ITPRID2: variants seen among roughly 807,000 people sequenced by gnomAD.
The protein encoded by ITPRID2 is ITPR interacting domain containing 2.
ITPRID2 carries 60 observed loss-of-function variants against 124.3 expected under a neutral mutation model. The observed-to-expected ratio is 0.48, with a 90% CI of 0.39 to 0.60. The LOEUF is 0.60. ITPRID2 is among the 20% of genes least tolerant of loss of function. ITPRID2 has a pLI of 0.00. For synonymous variants in ITPRID2, 521 were observed against 542.9 expected (o/e 0.96, Z 0.56); for missense variants, 1,553 against 1,512.2 (o/e 1.03, Z -0.45).
At chr2:181,925,267 T>C (rs1046280293) in intron 16 of ITPRID2, among the ~76,000 whole-genome samples, 1 of 152,340 alleles carries the variant, frequency 6.6e-6, no homozygotes, top group East Asian at 1.9e-4. Flanking sequence ...TACTTCAGAC[T>C]TGTAGTCAGT....
intron 16 of ITPRID2, among the ~76,000 whole-genome samples, chr2:181,927,365 G>A (rs995858133): frequency 6.6e-6 from 1 of 152,192 alleles, no homozygotes; most frequent in Non-Finnish European, 1.5e-5. Context: ...CTATTTAAAA[G>A]TGATGCTGTA....
intron 16 of ITPRID2, among the ~76,000 whole-genome samples, chr2:181,923,239 C>T (rs780218191): frequency 5.3e-5 from 8 of 152,152 alleles, no homozygotes; most frequent in Non-Finnish European, 1.0e-4. Flanking sequence ...ATCGTTTAAA[C>T]AGCTCAATGC....
intron 17 of ITPRID2, 52 bp from the exon 18 acceptor site, chr2:181,929,509 A>C: frequency 7.9e-7 from 1 of 1,261,266 alleles, no homozygotes; most frequent in Non-Finnish European, 1.1e-6. Context: ...AGAAGCTTTT[A>C]ATAACAGTAT....
chr2:181,928,109 A>G, intron 16 of ITPRID2, 52 bp from the exon 17 acceptor site: 2 of 1,245,242 alleles, frequency 1.6e-6, no homozygotes, highest in South Asian at 1.4e-5. Context: ...ACAGGAAAAA[A>G]TGAATTCCAT....
chr2:181,914,237 CATTAT>C (rs1322900313), intron 10 of ITPRID2, among the ~76,000 whole-genome samples: 1 of 151,948 alleles, frequency 6.6e-6, no homozygotes, highest in Non-Finnish European at 1.5e-5. Context: ...TTTTAACCAT[CATTAT>C]ATTTCATTAT....
At position 181,928,169 on chromosome 2, in the gene ITPRID2, G is replaced by A. The variant is rs544408429; in HGVS notation, c.3684G>A (p.Glu1228=). The A allele has an allele frequency of 5.8e-6, 9 of 1,545,684 alleles. No homozygotes were observed. Among genetic ancestry groups the A allele is most frequent in the African/African-American group, 1.4e-5 (1 of 72,908 alleles). The change falls in exon 17 of 18, where the codon GAG becomes GAA. Residue 1228 remains glutamate, a synonymous_variant. Coordinates refer to ENST00000431877, the MANE Select transcript of ITPRID2 (RefSeq NM_001130445.3). ...TTGTTTTTCCAATCTAGATTAAAGAGTCTATTGTTGGGGAAATCAGACGGG... is the reference window on the plus strand; with the variant it reads ...TTGTTTTTCCAATCTAGATTAAAGAATCTATTGTTGGGGAAATCAGACGGG... The part of the protein sequence containing the change: ...ELQQVIREIK[E]SIVGEIRREI...
intron 11 of ITPRID2, chr2:181,916,784 TTC>T: frequency 1.0e-6 from 1 of 966,698 alleles, no homozygotes; most frequent in Non-Finnish European, 1.2e-6. Context: ...TTAAAGTTCT[TTC>T]TCTCTTTCTC....
At chr2:181,912,208 A>C (rs1316611705) in intron 9 of ITPRID2, among the ~76,000 whole-genome samples, 1 of 152,246 alleles carries the variant, frequency 6.6e-6, no homozygotes, top group Non-Finnish European at 1.5e-5. Flanking sequence ...TTCTCAGCTT[A>C]TTCTAGGTAC....
Position 181,892,044 on chromosome 2 carries a change from G to A in ITPRID2, c.-23G>A, listed in dbSNP as rs573140982. The A allele has an allele frequency of 5.2e-6, 8 of 1,546,968 alleles. No homozygotes were observed. The highest frequency in any genetic ancestry group is 2.3e-4 in the Middle Eastern group (1 of 4,366). On this transcript the variant is annotated 5_prime_UTR_variant, in exon 1 of 18. Transcript: ENST00000431877. The surrounding 1 kb of genome is among the most constrained non-coding windows in gnomAD (Gnocchi z 5.2). ...TTGTCTCGCGCAGGGTCCGGCTGGGGTAGCGGAGCCCCCAGTGCGGCCATG... is the reference window on the plus strand; with the variant it reads ...TTGTCTCGCGCAGGGTCCGGCTGGGATAGCGGAGCCCCCAGTGCGGCCATG...
Position 181,929,587 on chromosome 2 carries a change from A to G in ITPRID2, c.*40A>G, listed in dbSNP as rs369078805. On this transcript the variant is annotated 3_prime_UTR_variant, in exon 18 of 18. Transcript: ENST00000431877. ...TTGGCATGGATCCTATTAGCTGTGT[A>G]ATACTGGAATTATCAATGATATGCA... The G allele has an allele frequency of 2.5e-6, 4 of 1,612,860 alleles. No individual in the cohort carries two copies. Among genetic ancestry groups the G allele is most frequent in the African/African-American group, 2.7e-5 (2 of 74,896 alleles).
In ITPRID2 at chr2:181,907,818, T is replaced by C. The variant is rs1211757258; in HGVS notation, c.1414-2081T>C. Among the ~76,000 whole-genome samples, 1 of 152,208 alleles carries C rather than the reference T, an allele frequency of 6.6e-6. No individual in the cohort carries two copies. The highest frequency in any genetic ancestry group is 2.4e-5 in the African/African-American group (1 of 41,446). On this transcript the variant is annotated intron_variant, in intron 8 of 17. Transcript: ENST00000431877. The surrounding 1 kb of genome is among the most constrained non-coding windows in gnomAD (Gnocchi z 5.1). ...TATGTTTCTCTCTTCAGCAAGTGGG[T>C]ACTCTGATTTTGCTGAGTAAACAAG...
Position 181,915,890 on chromosome 2 carries a change from T to C in ITPRID2, c.2250T>C (p.Val750=). The change falls in exon 11 of 18, where the codon GTT becomes GTC. Residue 750 remains valine, a synonymous_variant. Coordinates refer to ENST00000431877, the MANE Select transcript of ITPRID2 (RefSeq NM_001130445.3). ...LPTTLLSPVR[V]VSSVNVRLSP... ...CCACCTTATTGAGCCCAGTAAGGGT[T>C]GTGTCCTCTGTCAATGTTCGATTAT... is the stretch of plus-strand genomic sequence containing the variant. The C allele has an allele frequency of 1.2e-6, 2 of 1,614,242 alleles. No individual in the cohort carries two copies. Among genetic ancestry groups the C allele is most frequent in the East Asian group, 2.2e-5 (1 of 44,888 alleles).
rs1210227182 is a variant in ITPRID2, at chr2:181,901,931, A to G, written c.878A>G (p.Asn293Ser). 2.5e-6 allele frequency: 4 copies of G among 1,613,812 alleles called. No individual in the cohort carries two copies. The African/African-American group carries it at 4.0e-5, about 16-fold the overall frequency. ...CCTTTAACTCGAAGTAACACTGCAA[A>G]TCGTTTAATGAAAACACTCTCAAAA... ...PPPLTRSNTA[N>S]RLMKTLSKLN... Residue 293 changes from asparagine to serine, a missense_variant, in exon 8 of 18, where the codon AAT becomes AGT. Asn to Ser is a conservative substitution (Grantham distance 46, BLOSUM62 1). Coordinates refer to ENST00000431877, the MANE Select transcript of ITPRID2 (RefSeq NM_001130445.3).
At chr2:181,920,766 A>G in intron 15 of ITPRID2, 104 bp downstream of exon 15, 6 of 862,844 alleles carry the variant, frequency 7.0e-6, no homozygotes, top group Non-Finnish European at 8.9e-6. Flanking sequence ...TTAAATACAT[A>G]ATTTGATAAA....
At chr2:181,929,419 C>A in intron 17 of ITPRID2, 142 bp from the exon 18 acceptor site, 1 of 453,952 alleles carries the variant, frequency 2.2e-6, no homozygotes, top group South Asian at 5.7e-5. Flanking sequence ...AGAATTAACT[C>A]TCAGGAAGAT....
At position 181,905,271 on chromosome 2, in the gene ITPRID2, A is replaced by G. The variant is rs183957420; in HGVS notation, c.1413+2805A>G. On this transcript the variant is annotated intron_variant, in intron 8 of 17. Coordinates refer to ENST00000431877, the MANE Select transcript of ITPRID2 (RefSeq NM_001130445.3). This position sits in a 1 kb window ranked among gnomAD's most constrained non-coding sequence, Gnocchi z 4.1. ...TCACTACGTTGGCCAGGCTGGTCTC[A>G]AACTCCTGACCTCGTGATCTGACCA... Among the ~76,000 whole-genome samples the G allele has an allele frequency of 6.6e-6, 1 of 152,068 alleles. No individual in the cohort carries two copies. The highest frequency in any genetic ancestry group is 2.4e-5 in the African/African-American group (1 of 41,496).
intron 9 of ITPRID2, among the ~76,000 whole-genome samples, chr2:181,913,316 C>T (rs1461056251): frequency 6.6e-6 from 1 of 152,166 alleles, no homozygotes; most frequent in Non-Finnish European, 1.5e-5. Context: ...ATCCGCCCGC[C>T]TCAGCCTCCC....
At position 181,891,962 on chromosome 2, in the gene ITPRID2, C is replaced by G; in HGVS notation, c.-105C>G. On this transcript the variant is annotated 5_prime_UTR_variant, in exon 1 of 18. Coordinates refer to ENST00000431877, the MANE Select transcript of ITPRID2 (RefSeq NM_001130445.3). ...TCCTCCGGCGCCCGCTTCAGCTCCC[C>G]GGGGCCCCCTGCCCGGCCGGGCGCT... 2 of 1,128,064 alleles carry G rather than the reference C, an allele frequency of 1.8e-6. No individual in the cohort carries two copies. The allele number at this position is 1,128,064 out of a possible 1,614,324, so 69.9% of individuals were successfully genotyped here.
chr2:181,919,595 T>C lies in ITPRID2; in HGVS notation c.3144+149T>C, dbSNP rs933604799. 1 of 735,252 alleles carries C rather than the reference T, an allele frequency of 1.4e-6. No homozygotes were observed. The highest frequency in any genetic ancestry group is 2.0e-6 in the Non-Finnish European group (1 of 512,120). The allele number at this position is 735,252 out of a possible 1,614,324, so 45.5% of individuals were successfully genotyped here. On this transcript the variant is annotated intron_variant, in intron 14 of 17. Transcript: ENST00000431877. This position sits in a 1 kb window ranked among gnomAD's most constrained non-coding sequence, Gnocchi z 4.2. ...TTTAAGGAGCTTTCCCACAAATCAG[T>C]TGAATGTACAATTTGTAATAATTGT...
Sources: gnomAD v4.1 joint callset for allele counts (sites outside exome capture counted in the v4.1 genomes callset) on GRCh38, gnomAD v4.1.1 for gene constraint, Gnocchi (gnomAD v3.1) non-coding constraint, MANE v1.5 for transcripts, NCBI Gene and HGNC (gene_info 2026-07-23, HGNC 2026-07-21) for gene names.